The following DENND2A variants were observed in gnomAD, a reference collection of about 807,000 sequenced individuals.
DENND2A encodes DENN domain-containing protein 2A.
In DENND2A, 53 loss-of-function variants were observed where a neutral mutation model predicts 105.3. The observed-to-expected ratio is 0.50, with a 90% confidence interval of 0.40 to 0.63. The LOEUF (loss-of-function observed/expected upper bound fraction) is 0.63, where lower values mean the gene tolerates loss of function less well. Ranked by LOEUF, DENND2A falls within the 30% of genes least tolerant of loss-of-function variation. The pLI, the probability that DENND2A is intolerant of heterozygous loss-of-function variation, is 0.00. For synonymous variants in DENND2A, 522 were observed against 508.4 expected (o/e 1.03, Z -0.36); for missense variants, 1,138 against 1,279.6 (o/e 0.89, Z 1.69).
intron 1 of DENND2A, among the ~76,000 whole-genome samples, chr7:140,637,331 T>G (rs1800984168): frequency 6.6e-6 from 1 of 152,200 alleles, no homozygotes; most frequent in South Asian, 2.1e-4. Context: ...CAGCTATAGT[T>G]GGCAAGAAAT....
chr7:140,568,881 G>A, intron 7 of DENND2A, 68 bp from the exon 8 acceptor site: 2 of 1,482,060 alleles, frequency 1.3e-6, no homozygotes, highest in East Asian at 2.3e-5. Context: ...CTCTTTCTAT[G>A]TGGTAGCACA....
chr7:140,570,661 G>C (rs1203466436), intron 6 of DENND2A, among the ~76,000 whole-genome samples: 1 of 152,190 alleles, frequency 6.6e-6, no homozygotes, highest in Non-Finnish European at 1.5e-5. Context: ...CAGTGTGCAA[G>C]TGCACATGGA....
chr7:140,548,488 C>T (rs905761011), intron 12 of DENND2A, among the ~76,000 whole-genome samples: 1 of 152,068 alleles, frequency 6.6e-6, no homozygotes, highest in African/African-American at 2.4e-5. Flanking sequence ...TGCCACCACA[C>T]TCCAGCCTGG....
At chr7:140,603,748 G>A (rs1004015207) in intron 2 of DENND2A, among the ~76,000 whole-genome samples, 22 of 152,206 alleles carry the variant, frequency 1.4e-4, no homozygotes, top group African/African-American at 5.1e-4. Context: ...CCAGCCACAC[G>A]TGACTATTTA....
chr7:140,519,540 G>T, intron 19 of DENND2A, 92 bp downstream of exon 19: 1 of 1,107,824 alleles, frequency 9.0e-7, no homozygotes, highest in South Asian at 1.3e-5. Flanking sequence ...GCATTATTCA[G>T]GGCGCTGGCT....
At chr7:140,637,587 C>A (rs189001896) in intron 1 of DENND2A, among the ~76,000 whole-genome samples, 61 of 152,336 alleles carry the variant, frequency 4.0e-4, no homozygotes, top group African/African-American at 1.3e-3. Flanking sequence ...GAGTCCCACC[C>A]TTTTCCTACC....
intron 1 of DENND2A, among the ~76,000 whole-genome samples, chr7:140,619,123 A>C (rs1264248768): frequency 6.6e-6 from 1 of 152,114 alleles, no homozygotes; most frequent in African/African-American, 2.4e-5. Context: ...ATACTTTGGG[A>C]ATATATCCTA....
Position 140,599,239 on chromosome 7 carries a change from G to A in DENND2A, c.995+2164C>T, listed in dbSNP as rs139306275. Among the ~76,000 whole-genome samples, 256 of 152,216 alleles carry A rather than the reference G, an allele frequency of 1.7e-3. 1 individual carries two copies. The highest frequency in any genetic ancestry group is 5.7e-3 in the African/African-American group (238 of 41,534). On this transcript the variant is annotated intron_variant, in intron 3 of 19. Transcript: ENST00000496613. ...TGTAATCTCAGCTATTTGGGATGCT[G>A]AGGCAGGAGAATTGCTGGAACCCAG...
chr7:140,544,289 G>A lies in DENND2A; in HGVS notation c.2327+329C>T, dbSNP rs371222185. ...AGCTCACTGCAATGTCCACCTCCCA[G>A]GTTCAATCGATTCCCGTGCCTCAGC... is the stretch of plus-strand genomic sequence containing the variant. On this transcript the variant is annotated intron_variant, in intron 14 of 19. Coordinates refer to ENST00000496613, the MANE Select transcript of DENND2A (RefSeq NM_015689.5). The A allele has an allele frequency of 9.2e-5, 40 of 432,716 alleles. No individual in the cohort carries two copies. The East Asian group carries it at 1.2e-3, about 13-fold the overall frequency. The allele number at this position is 432,716 out of a possible 1,614,324, so 26.8% of individuals were successfully genotyped here. A position where few individuals can be genotyped will look rare whatever the true frequency, so the allele number is the denominator to read the frequency against.
At chr7:140,594,779 G>A (rs1585718175) in intron 3 of DENND2A, among the ~76,000 whole-genome samples, 3 of 152,146 alleles carry the variant, frequency 2.0e-5, no homozygotes, top group South Asian at 4.2e-4. Context: ...GTGCAATGGC[G>A]CATCTCAGCT....
intron 13 of DENND2A, 76 bp from the exon 14 acceptor site, chr7:140,544,842 A>G: frequency 6.5e-7 from 1 of 1,541,836 alleles, no homozygotes; most frequent in South Asian, 1.2e-5. Flanking sequence ...TCGCAGTCCC[A>G]GGGCTCTGAG....
At chr7:140,577,467 G>A (rs1396458441) in intron 5 of DENND2A, among the ~76,000 whole-genome samples, 4 of 150,636 alleles carry the variant, frequency 2.7e-5, no homozygotes, top group South Asian at 2.1e-4. Flanking sequence ...GCACAATCTC[G>A]GCTAACTGCA....
chr7:140,559,200 C>T lies in DENND2A; in HGVS notation c.1889+508G>A, dbSNP rs1228546571. Among the ~76,000 whole-genome samples, 2 of 152,136 alleles carry T rather than the reference C, an allele frequency of 1.3e-5. No homozygotes were observed. Among genetic ancestry groups the T allele is most frequent in the Non-Finnish European group, 2.9e-5 (2 of 68,022 alleles). ...CAGGGCATGGTCTGTACAGGGCAGC[C>T]CCGGGGCTTGGACGGTCCTTAAAGA... On this transcript the variant is annotated intron_variant, in intron 10 of 19. Transcript: ENST00000496613. This position sits in a 1 kb window ranked among gnomAD's most constrained non-coding sequence, Gnocchi z 4.1.
chr7:140,635,385 A>G (rs1800885875), intron 1 of DENND2A, among the ~76,000 whole-genome samples: 1 of 152,272 alleles, frequency 6.6e-6, no homozygotes, highest in East Asian at 1.9e-4. Context: ...TTTAGAAGAC[A>G]AAACAACAAA....
At position 140,518,605 on chromosome 7, in the gene DENND2A, G is replaced by T. The variant is rs376350934; in HGVS notation, c.*102C>A. 7 of 1,315,570 alleles carry T rather than the reference G, an allele frequency of 5.3e-6. No individual in the cohort carries two copies. Among genetic ancestry groups the T allele is most frequent in the African/African-American group, 1.5e-5 (1 of 68,280 alleles). 81.5% of individuals were successfully genotyped at this position (1,315,570 alleles called of 1,614,324 possible). On this transcript the variant is annotated 3_prime_UTR_variant, in exon 20 of 20. Coordinates refer to ENST00000496613, the MANE Select transcript of DENND2A (RefSeq NM_015689.5). ...AGAAGCCACCGCGGCCTCCAGTTCC[G>T]CACCGTGACAACCTGGGACCCAGCC...
chr7:140,633,454 C>G (rs1800808803), intron 1 of DENND2A, among the ~76,000 whole-genome samples: 2 of 152,164 alleles, frequency 1.3e-5, no homozygotes, highest in South Asian at 4.1e-4. Context: ...CGCGCCTGGC[C>G]TAATGCTCTC....
intron 1 of DENND2A, among the ~76,000 whole-genome samples, chr7:140,618,022 G>C (rs150402624): frequency 6.6e-6 from 1 of 152,168 alleles, no homozygotes; most frequent in Non-Finnish European, 1.5e-5. Flanking sequence ...CCATTCTCCA[G>C]AGGGTGAAAA....
At chr7:140,638,853 T>C (rs269247) in intron 1 of DENND2A, among the ~76,000 whole-genome samples, 31,372 of 152,182 alleles carry the variant, frequency 0.21, 6,138 homozygotes, top group African/African-American at 0.51. Flanking sequence ...CCTAGTTCTA[T>C]GCCATGCAGC....
chr7:140,577,137 A>G (rs1798332907), intron 5 of DENND2A, among the ~76,000 whole-genome samples: 1 of 152,220 alleles, frequency 6.6e-6, no homozygotes, highest in South Asian at 2.1e-4. Flanking sequence ...GGGAGCTTTC[A>G]TGATGCGGTG....
Sources: allele counts gnomAD v4.1 joint callset (sites outside exome capture counted in the v4.1 genomes callset), GRCh38; gene constraint gnomAD v4.1.1; non-coding constraint Gnocchi (gnomAD v3.1); transcripts MANE v1.5; gene names NCBI Gene and HGNC (gene_info 2026-07-23, HGNC 2026-07-21).